DEPTOR: variants seen among roughly 807,000 people sequenced by gnomAD.
DEPTOR encodes the protein DEP domain containing MTOR interacting protein, also known as DEP domain-containing mTOR-interacting protein.
DEPTOR carries 41 observed loss-of-function variants against 41.6 expected under a neutral mutation model. The ratio of observed to expected loss-of-function variants is 0.98; its 90% CI spans 0.77 to 1.28. The LOEUF is 1.28. Ranked by LOEUF, DEPTOR falls within the 50% of genes most tolerant of loss-of-function variation. The probability of loss-of-function intolerance (pLI) is 0.00; values close to 1 mark genes in which losing one functional copy is unlikely to be tolerated. For missense variants in DEPTOR, 514 were observed against 527.9 expected, an observed-to-expected ratio of 0.97 and a Z score of 0.26; for synonymous variants, 195 against 192.3, an observed-to-expected ratio of 1.01 and a Z score of -0.12.
intron 8 of DEPTOR, among the ~76,000 whole-genome samples, chr8:120,024,991 T>C (rs1294856573): frequency 1.3e-5 from 2 of 152,158 alleles, no homozygotes; most frequent in Non-Finnish European, 2.9e-5. Flanking sequence ...CAAGTATTTA[T>C]TGATTACCTA....
chr8:119,989,848 G>T (rs1263135668), intron 4 of DEPTOR, among the ~76,000 whole-genome samples: 2 of 152,126 alleles, frequency 1.3e-5, no homozygotes, highest in Non-Finnish European at 2.9e-5. Flanking sequence ...CATACTCTCT[G>T]CTATTACGTG....
intron 8 of DEPTOR, among the ~76,000 whole-genome samples, chr8:120,030,497 G>GTTTTT (rs1171655489): frequency 0.022 from 1,030 of 46,178 alleles, 189 homozygotes; most frequent in African/African-American, 0.077. Context: ...AGGTTCATCA[G>GTTTTT]TTTTTTTTTT....
intron 1 of DEPTOR, among the ~76,000 whole-genome samples, chr8:119,923,361 A>G (rs1283576169): frequency 6.6e-6 from 1 of 152,048 alleles, no homozygotes; most frequent in Non-Finnish European, 1.5e-5. Context: ...CTCCCACTTC[A>G]GCCTCCCAAG....
chr8:119,965,172 C>A, intron 3 of DEPTOR, 60 bp from the exon 4 acceptor site: 1 of 1,512,630 alleles, frequency 6.6e-7, no homozygotes, highest in South Asian at 1.3e-5. Context: ...TCTATGATTT[C>A]AAATGAGCTG....
intron 3 of DEPTOR, among the ~76,000 whole-genome samples, chr8:119,947,731 G>T (rs1393467891): frequency 1.3e-5 from 2 of 152,132 alleles, no homozygotes; most frequent in Non-Finnish European, 2.9e-5. Flanking sequence ...TTGCCATAAT[G>T]AAAGTGAAAA....
chr8:119,940,431 G>A (rs1024647853), intron 3 of DEPTOR, among the ~76,000 whole-genome samples: 1 of 152,000 alleles, frequency 6.6e-6, no homozygotes, highest in East Asian at 1.9e-4. Context: ...CACATATAAT[G>A]GAATATTATT....
chr8:119,918,924 C>G (rs1262937203), intron 1 of DEPTOR, among the ~76,000 whole-genome samples: 2 of 140,034 alleles, frequency 1.4e-5, no homozygotes, highest in East Asian at 2.0e-4. Flanking sequence ...GTTACTGCAG[C>G]TATTTGCATA....
chr8:120,047,011 G>A (rs1419337317), intron 8 of DEPTOR, among the ~76,000 whole-genome samples: 1 of 152,134 alleles, frequency 6.6e-6, no homozygotes, highest in African/African-American at 2.4e-5. Context: ...AGAGAAGCCA[G>A]AGTCTGGGTT....
At chr8:120,024,684 T>A (rs1054023989) in intron 8 of DEPTOR, among the ~76,000 whole-genome samples, 7 of 152,094 alleles carry the variant, frequency 4.6e-5, no homozygotes, top group Non-Finnish European at 1.0e-4. Context: ...CTCCAAAAGC[T>A]GGAAGACACA....
At chr8:119,986,522 G>C (rs919008594) in intron 4 of DEPTOR, among the ~76,000 whole-genome samples, 1 of 151,934 alleles carries the variant, frequency 6.6e-6, no homozygotes, top group Non-Finnish European at 1.5e-5. Flanking sequence ...TGCTCTTCTC[G>C]AGGAGTATCT....
intron 3 of DEPTOR, among the ~76,000 whole-genome samples, chr8:119,938,844 C>T (rs1214106170): frequency 1.3e-5 from 2 of 150,980 alleles, no homozygotes; most frequent in Non-Finnish European, 3.0e-5. Context: ...TTCCTTCCTC[C>T]CTCCCTCCCT....
At chr8:119,964,310 T>A (rs1330578404) in intron 3 of DEPTOR, among the ~76,000 whole-genome samples, 1 of 151,608 alleles carries the variant, frequency 6.6e-6, no homozygotes, top group Admixed American at 6.6e-5. Context: ...AGGTCAGGAG[T>A]TCGAGACCAG....
chr8:120,039,123 C>T (rs1232471535), intron 8 of DEPTOR, among the ~76,000 whole-genome samples: 1 of 152,142 alleles, frequency 6.6e-6, no homozygotes, highest in African/African-American at 2.4e-5. Flanking sequence ...ATGATTAGGT[C>T]ACTGGGTCAG....
At chr8:119,999,432 A>G (rs1283570931) in intron 4 of DEPTOR, among the ~76,000 whole-genome samples, 3 of 152,166 alleles carry the variant, frequency 2.0e-5, no homozygotes, top group Non-Finnish European at 1.5e-5. Context: ...ACTGACTTCA[A>G]GTTGACACAC....
intron 8 of DEPTOR, among the ~76,000 whole-genome samples, chr8:120,045,413 C>G (rs1813139526): frequency 6.6e-6 from 1 of 152,120 alleles, no homozygotes; most frequent in Non-Finnish European, 1.5e-5. Context: ...CTTTGTCACT[C>G]AGGCTGGAAT....
At chr8:119,921,960 GGC>G (rs1827901946) in intron 1 of DEPTOR, among the ~76,000 whole-genome samples, 1 of 151,836 alleles carries the variant, frequency 6.6e-6, no homozygotes, top group African/African-American at 2.4e-5. Context: ...AAATAGGCTG[GGC>G]GCAGTAGCTC....
At chr8:120,045,591 A>G (rs1339669884) in intron 8 of DEPTOR, among the ~76,000 whole-genome samples, 4 of 152,104 alleles carry the variant, frequency 2.6e-5, no homozygotes, top group African/African-American at 7.2e-5. Context: ...CCTAGGCTGG[A>G]CTTGAACTCC....
At chr8:120,049,378 ATT>A (rs57019053) in intron 8 of DEPTOR, among the ~76,000 whole-genome samples, 196 bp from the exon 9 acceptor site, 4 of 146,582 alleles carry the variant, frequency 2.7e-5, no homozygotes, top group South Asian at 2.2e-4. Context: ...CACTAAAACG[ATT>A]TTTTTTTTTT....
intron 4 of DEPTOR, among the ~76,000 whole-genome samples, chr8:119,995,552 C>T (rs1812247543): frequency 6.6e-6 from 1 of 150,654 alleles, no homozygotes; most frequent in Non-Finnish European, 1.5e-5. Context: ...CGCCACTGCA[C>T]TCCAGCCTGG....
Sources: gnomAD v4.1 joint callset for allele counts (sites outside exome capture counted in the v4.1 genomes callset) on GRCh38, gnomAD v4.1.1 for gene constraint, MANE v1.5 for transcripts, NCBI Gene and HGNC (gene_info 2026-07-23, HGNC 2026-07-21) for gene names.